The following MTMR6 variants were observed in gnomAD, a reference collection of about 807,000 sequenced individuals.
MTMR6 encodes phosphatidylinositol-3,5-bisphosphate 3-phosphatase MTMR6.
MTMR6 carries 47 observed loss-of-function variants against 80.1 expected under a neutral mutation model. The ratio of observed to expected loss-of-function variants is 0.59; its 90% CI spans 0.46 to 0.75. MTMR6 has a LOEUF of 0.75. Among genes scored for constraint, MTMR6 ranks in the 30% least tolerant of loss-of-function variants. MTMR6 has a pLI of 0.00. For synonymous variants in MTMR6, 254 were observed against 253.0 expected, an observed-to-expected ratio of 1.00 and a Z score of -0.04; for missense variants, 629 against 730.9, an observed-to-expected ratio of 0.86 and a Z score of 1.61.
In MTMR6 at chr13:25,257,815, T is replaced by C; in HGVS notation, c.890A>G (p.Asp297Gly). 6.2e-7 allele frequency: 1 copy of C among 1,613,852 alleles called. No individual in the cohort carries two copies. The highest frequency in any genetic ancestry group is 8.5e-7 in the Non-Finnish European group (1 of 1,179,846). ...VNGTKGLSVNDFYSGLESSGW... is the reference protein window; with the variant it reads ...VNGTKGLSVNGFYSGLESSGW... ...CGAGCTCTCCAAACCGGAGTAGAAA[T>C]CATTGACAGAAAGCCCTTTAGTGCC... The change falls in exon 8 of 14, where the codon GAT (aspartate) becomes GGT (glycine). Residue 297 changes from aspartate to glycine, a missense_variant. Asp to Gly is a moderately conservative substitution (Grantham distance 94). Transcript: ENST00000381801.
At chr13:25,285,896 C>T (rs1957946499) in intron 1 of MTMR6, among the ~76,000 whole-genome samples, 1 of 152,038 alleles carries the variant, frequency 6.6e-6, no homozygotes, top group Non-Finnish European at 1.5e-5. Context: ...AGAGGAGCTT[C>T]GAACTGATGC....
chr13:25,273,327 A>G (rs1414851301), intron 2 of MTMR6, among the ~76,000 whole-genome samples: 1 of 152,122 alleles, frequency 6.6e-6, no homozygotes, highest in African/African-American at 2.4e-5. Context: ...ACAGAAAGAA[A>G]CATATACATA....
chr13:25,264,360 AAAATTAAT>A (rs1299717244), intron 5 of MTMR6, among the ~76,000 whole-genome samples: 1 of 152,172 alleles, frequency 6.6e-6, no homozygotes, highest in Admixed American at 6.5e-5. Flanking sequence ...AAGGACAAAG[AAAATTAAT>A]AGAACAGAGG....
rs1376772961 is a variant in MTMR6, at chr13:25,258,659, C to T, written c.760G>A (p.Gly254Ser). 1.2e-5 allele frequency: 19 copies of T among 1,589,636 alleles called. No individual in the cohort carries two copies. The highest frequency in any genetic ancestry group is 1.6e-5 in the Non-Finnish European group (19 of 1,173,232). Residue 254 changes from glycine (G) to serine (S), a missense_variant, in exon 7 of 14, where the codon GGT (glycine) becomes AGT (serine). Physicochemically the swap from Gly to Ser is moderately conservative, Grantham distance 56. Transcript: ENST00000381801. The stretch of plus-strand genomic sequence containing the variant: ...GAATAGTTGTCTTCATTTTCATAAC[C>T]TTTTCCAGCTGCTCTGTTGGCCATT... ...NAMANRAAGK[G>S]YENEDNYSNI... is the part of the protein sequence containing the mutation.
intron 6 of MTMR6, among the ~76,000 whole-genome samples, chr13:25,261,423 A>T (rs779265566): frequency 1.2e-4 from 18 of 151,716 alleles, no homozygotes; most frequent in Admixed American, 4.6e-4. Flanking sequence ...TTCTCAATAT[A>T]CAATTCAGCT....
At chr13:25,262,654 A>G (rs1478891947) in intron 5 of MTMR6, among the ~76,000 whole-genome samples, 1 of 152,268 alleles carries the variant, frequency 6.6e-6, no homozygotes, top group East Asian at 1.9e-4. Context: ...GGCATAAGCC[A>G]TCATGCCCAG....
intron 5 of MTMR6, among the ~76,000 whole-genome samples, chr13:25,264,405 AT>A (rs1957407126): frequency 6.6e-6 from 1 of 152,180 alleles, no homozygotes; most frequent in African/African-American, 2.4e-5. Context: ...AGAGAAGCAA[AT>A]TCCCAAAATT....
At chr13:25,287,137 A>C in intron 1 of MTMR6, 87 bp downstream of exon 1, 2 of 1,521,908 alleles carry the variant, frequency 1.3e-6, no homozygotes, top group Non-Finnish European at 1.8e-6. Flanking sequence ...TCCCAGCCCC[A>C]GTCAGGCCAG....
At chr13:25,275,069 G>T (rs1236277708) in intron 1 of MTMR6, among the ~76,000 whole-genome samples, 1 of 150,574 alleles carries the variant, frequency 6.6e-6, no homozygotes, top group East Asian at 2.0e-4. Flanking sequence ...GGAGGCTACT[G>T]CTGGGAATCT....
chr13:25,253,021 G>A (rs1957123136), intron 11 of MTMR6, among the ~76,000 whole-genome samples: 1 of 152,036 alleles, frequency 6.6e-6, no homozygotes, highest in African/African-American at 2.4e-5. Context: ...ACTGTAAGAG[G>A]CAATAAAGAA....
chr13:25,251,707 A>G lies in MTMR6; in HGVS notation c.1547T>C (p.Ile516Thr), dbSNP rs763425454. 1 of 1,574,192 alleles carries G rather than the reference A, an allele frequency of 6.4e-7. No homozygotes were observed. Among genetic ancestry groups the G allele is most frequent in the South Asian group, 1.1e-5 (1 of 88,866 alleles). The change falls in exon 13 of 14, where the codon ATT (isoleucine) becomes ACT (threonine). Residue 516 changes from isoleucine (I) to threonine (T), a missense_variant. Coordinates refer to ENST00000381801, the MANE Select transcript of MTMR6 (RefSeq NM_004685.5). This position sits in a 1 kb window ranked among gnomAD's most constrained non-coding sequence, Gnocchi z 4.1. ...TTTATTTTGCTCATTCATATTCATA[A>G]TTATATTAAATACAGACTGCCTAGG... The part of the protein sequence containing the change: ...LHPRQSVFNI[I>T]MNMNEQNKQL...
chr13:25,263,758 T>C (rs1234159787), intron 5 of MTMR6, among the ~76,000 whole-genome samples: 1 of 152,114 alleles, frequency 6.6e-6, no homozygotes, highest in Non-Finnish European at 1.5e-5. Context: ...TGGTGGCACA[T>C]GCCTGTAATC....
intron 1 of MTMR6, among the ~76,000 whole-genome samples, chr13:25,279,538 C>T (rs138899504): frequency 4.1e-4 from 62 of 152,212 alleles, no homozygotes; most frequent in Middle Eastern, 3.4e-3. Context: ...AATATTTGTG[C>T]TCAAGTAAAT....
chr13:25,285,468 G>A (rs960009481), intron 1 of MTMR6, among the ~76,000 whole-genome samples: 1 of 142,268 alleles, frequency 7.0e-6, no homozygotes, highest in Admixed American at 7.5e-5. Context: ...CACTTCGTGG[G>A]CTCAAGCCAT....
intron 10 of MTMR6, 71 bp downstream of exon 10, chr13:25,254,314 A>G: frequency 2.7e-6 from 3 of 1,103,480 alleles, no homozygotes; most frequent in Non-Finnish European, 4.2e-6. Flanking sequence ...CATAAGGAAC[A>G]GAAACATTTT....
rs1957267459 is a variant in MTMR6 at position 25,258,640 on chromosome 13, T to C, written c.779A>G (p.Asn260Ser). 2 of 1,597,606 alleles carry C rather than the reference T, an allele frequency of 1.3e-6. No individual in the cohort carries two copies. The highest frequency in any genetic ancestry group is 1.7e-6 in the Non-Finnish European group (2 of 1,175,488). ...AAACTGAAATCTAATATTGGAATAG[T>C]TGTCTTCATTTTCATAACCTTTTCC... is the stretch of plus-strand genomic sequence containing the variant. The part of the protein sequence containing the change: ...AAGKGYENED[N>S]YSNIRFQFVG... Residue 260 changes from asparagine to serine, a missense_variant, in exon 7 of 14, where the codon AAC becomes AGC. By Grantham distance (46) the Asn-to-Ser change is conservative. Transcript: ENST00000381801.
At chr13:25,266,365 TCTTC>T in intron 3 of MTMR6, 79 bp from the exon 4 acceptor site, 1 of 1,232,592 alleles carries the variant, frequency 8.1e-7, no homozygotes. Context: ...TTTTCAGTTT[TCTTC>T]CTTCATTTTT....
rs746662271 is a variant in MTMR6 at position 25,251,316 on chromosome 13, C to T, written c.1605+333G>A. 1.3e-5 allele frequency among the ~76,000 whole-genome samples: 2 copies of T among 152,108 alleles called. No individual in the cohort carries two copies. The highest frequency in any genetic ancestry group is 2.4e-5 in the African/African-American group (1 of 41,420). ...GATTACAGGCGTGAGCCACTGCGCC[C>T]GGCCTATGTTTTATTTCTTAAAACA... On this transcript the variant is annotated intron_variant, in intron 13 of 13. Transcript: ENST00000381801. This position sits in a 1 kb window ranked among gnomAD's most constrained non-coding sequence, Gnocchi z 4.1.
intron 6 of MTMR6, chr13:25,260,702 A>G: frequency 8.2e-7 from 1 of 1,221,344 alleles, no homozygotes; most frequent in Non-Finnish European, 1.1e-6. Context: ...AACAAAAATT[A>G]AAAGTAACGT....
Sources: allele counts gnomAD v4.1 joint callset (sites outside exome capture counted in the v4.1 genomes callset), GRCh38; gene constraint gnomAD v4.1.1; non-coding constraint Gnocchi (gnomAD v3.1); transcripts MANE v1.5; gene names NCBI Gene and HGNC (gene_info 2026-07-23, HGNC 2026-07-21).